SLC8B1: variants seen among roughly 807,000 people sequenced by gnomAD.
The protein encoded by SLC8B1 is solute carrier family 8 member B1.
SLC8B1 carries 52 observed loss-of-function variants against 63.4 expected under a neutral mutation model. The observed-to-expected ratio is 0.82, with a 90% CI of 0.66 to 1.03. The LOEUF (loss-of-function observed/expected upper bound fraction) is 1.03. SLC8B1 is among the 50% of genes least tolerant of loss of function. SLC8B1 has a pLI of 0.00. For synonymous variants in SLC8B1, 336 were observed against 323.9 expected (o/e 1.04, Z -0.40); for missense variants, 657 against 741.7 (o/e 0.89, Z 1.33).
rs137945371 is a variant in SLC8B1 at position 113,323,464 on chromosome 12, G to A, written c.157-2116C>T. Reference sequence around the variant, plus strand: ...TGGCTCATGCCTGTAATCCCAGCACGTTGGGAGGCCGAGGTAGGCGGATCA... The same window carrying A: ...TGGCTCATGCCTGTAATCCCAGCACATTGGGAGGCCGAGGTAGGCGGATCA... On this transcript the variant is annotated intron_variant, in intron 2 of 15. Transcript: ENST00000680972. Among the ~76,000 whole-genome samples the A allele has an allele frequency of 5.5e-3, 831 of 152,154 alleles. 9 individuals are homozygous for A. The highest frequency in any genetic ancestry group is 0.019 in the African/African-American group (769 of 41,530).
At chr12:113,321,145 C>A (rs751445398) in intron 3 of SLC8B1, 37 bp from the exon 4 acceptor site, 1 of 1,613,914 alleles carries the variant, frequency 6.2e-7, no homozygotes, top group South Asian at 1.1e-5. Context: ...AGAGTCAAGT[C>A]CAGCTGGAGA....
chr12:113,327,074 C>T (rs768619290), intron 2 of SLC8B1, among the ~76,000 whole-genome samples: 10 of 152,126 alleles, frequency 6.6e-5, no homozygotes, highest in Non-Finnish European at 1.5e-4. Flanking sequence ...TTGCCCTAAG[C>T]CTGGGCCTGT....
Position 113,299,927 on chromosome 12 carries a change from C to T in SLC8B1, c.1605G>A (p.Gly535=). 6.2e-7 allele frequency: 1 copy of T among 1,613,944 alleles called. No homozygotes were observed. Residue 535 remains glycine (G), a synonymous_variant, in exon 16 of 16, where the codon GGG becomes GGA. Coordinates refer to ENST00000680972, the MANE Select transcript of SLC8B1 (RefSeq NM_001358345.2). ...AGACCAGGGAGAAGACGAGGCTGAG[C>T]CCCAGGGCGCCTGCCAGGACCCACA... The part of the protein sequence containing the change: ...LLVWVLAGAL[G]LSLVFSLVSV...
chr12:113,308,706 G>A (rs1021229368), intron 12 of SLC8B1: 8 of 152,104 alleles, frequency 5.3e-5, no homozygotes, highest in African/African-American at 1.2e-4. Context: ...AACAGTGAAA[G>A]ACAATTTTCC....
At position 113,320,285 on chromosome 12, in the gene SLC8B1, G is replaced by A. The variant is rs368748913; in HGVS notation, c.694+46C>T. 1.6e-5 allele frequency: 26 copies of A among 1,597,800 alleles called. No individual in the cohort carries two copies. The African/African-American group carries it at 3.4e-4, about 21-fold the overall frequency. ...GTCCCAGGCACCTCCTAAACCTCCT[G>A]CCCATCAGCCCTGGGATCTCACGCC... On this transcript the variant is annotated intron_variant, in intron 7 of 15. Coordinates refer to ENST00000680972, the MANE Select transcript of SLC8B1 (RefSeq NM_001358345.2). This position sits in a 1 kb window ranked among gnomAD's most constrained non-coding sequence, Gnocchi z 5.3.
chr12:113,300,348 A>G (rs1257100797), intron 15 of SLC8B1, among the ~76,000 whole-genome samples: 1 of 152,142 alleles, frequency 6.6e-6, no homozygotes, highest in African/African-American at 2.4e-5. Flanking sequence ...AAATACAAAA[A>G]TTAGCCAGAC....
At chr12:113,318,656 G>A (rs1214864331) in intron 8 of SLC8B1, among the ~76,000 whole-genome samples, 1 of 152,194 alleles carries the variant, frequency 6.6e-6, no homozygotes, top group African/African-American at 2.4e-5. Flanking sequence ...TGTCACGGCA[G>A]CGTTTGTGTT....
chr12:113,307,577 G>T, intron 13 of SLC8B1, 114 bp downstream of exon 13: 1 of 1,300,540 alleles, frequency 7.7e-7, no homozygotes, highest in Non-Finnish European at 1.0e-6. Context: ...CTGCACAGGT[G>T]CAGAGGGCAG....
At chr12:113,314,532 G>A (rs905380565) in intron 11 of SLC8B1, among the ~76,000 whole-genome samples, 1 of 152,204 alleles carries the variant, frequency 6.6e-6, no homozygotes, top group Admixed American at 6.5e-5. Context: ...GCCAGAGCAG[G>A]ACAAGAAAGA....
intron 8 of SLC8B1, among the ~76,000 whole-genome samples, chr12:113,317,764 G>A (rs994457443): frequency 8.3e-6 from 1 of 120,660 alleles, no homozygotes; most frequent in Non-Finnish European, 1.8e-5. Flanking sequence ...ATGTGTGTGT[G>A]CATGTATTTG....
intron 8 of SLC8B1, 71 bp downstream of exon 8, chr12:113,318,893 G>T: frequency 8.3e-7 from 1 of 1,197,710 alleles, no homozygotes; most frequent in South Asian, 1.2e-5. Context: ...AGGAGACCCT[G>T]GGCAGCACTG....
intron 1 of SLC8B1, among the ~76,000 whole-genome samples, chr12:113,333,775 C>T (rs955372579): frequency 1.3e-5 from 2 of 152,212 alleles, no homozygotes; most frequent in Non-Finnish European, 2.9e-5. Flanking sequence ...GTGGCGCGAT[C>T]TCAGCTCACT....
intron 13 of SLC8B1, among the ~76,000 whole-genome samples, chr12:113,307,073 T>C (rs767312489): frequency 2.6e-5 from 3 of 114,832 alleles, no homozygotes; most frequent in African/African-American, 3.4e-5. Flanking sequence ...ATCACACCAT[T>C]GCACTCCAGC....
intron 2 of SLC8B1, among the ~76,000 whole-genome samples, chr12:113,331,177 G>T (rs934596756): frequency 2.2e-4 from 34 of 151,950 alleles, no homozygotes; most frequent in African/African-American, 8.0e-4. Flanking sequence ...GAGAGAGGGT[G>T]GGAGTTCAAT....
chr12:113,318,052 G>A (rs1384132799), intron 8 of SLC8B1, among the ~76,000 whole-genome samples: 1 of 152,142 alleles, frequency 6.6e-6, no homozygotes, highest in Non-Finnish European at 1.5e-5. Context: ...GCATGCATCT[G>A]TATGTGTTGC....
intron 8 of SLC8B1, 96 bp downstream of exon 8, chr12:113,318,868 G>T: frequency 1.1e-6 from 1 of 881,430 alleles, no homozygotes; most frequent in Non-Finnish European, 1.8e-6. Flanking sequence ...TGAGCTTGGT[G>T]GGGACAATGG....
rs888863063 is a variant in SLC8B1 at position 113,319,162 on chromosome 12, C to T, written c.695-91G>A. The T allele has an allele frequency of 5.9e-5, 57 of 972,896 alleles. No individual in the cohort carries two copies. The African/African-American group carries it at 6.6e-4, about 11-fold the overall frequency. The allele number at this position is 972,896 out of a possible 1,614,324, so 60.3% of individuals were successfully genotyped here. ...CAGTTCTATCAGTGGTGCGTGTTAG[C>T]GGTGGCAATCTGTGTTAGCCCATCC... On this transcript the variant is annotated intron_variant, in intron 7 of 15. Coordinates refer to ENST00000680972, the MANE Select transcript of SLC8B1 (RefSeq NM_001358345.2).
At chr12:113,310,475 T>G (rs1483949177) in intron 11 of SLC8B1, 120 bp from the exon 12 acceptor site, 3 of 1,319,034 alleles carry the variant, frequency 2.3e-6, no homozygotes. Context: ...AGACACTTCA[T>G]GGGGGCAGAA....
At chr12:113,316,213 G>A (rs1956833981) in intron 10 of SLC8B1, among the ~76,000 whole-genome samples, 1 of 149,532 alleles carries the variant, frequency 6.7e-6, no homozygotes, top group African/African-American at 2.5e-5. Flanking sequence ...GCAATAGAGC[G>A]AAACTCTGTC....
Sources: allele counts gnomAD v4.1 joint callset (sites outside exome capture counted in the v4.1 genomes callset), GRCh38; gene constraint gnomAD v4.1.1; non-coding constraint Gnocchi (gnomAD v3.1); transcripts MANE v1.5; gene names NCBI Gene and HGNC (gene_info 2026-07-23, HGNC 2026-07-21).